SHISAL1: variants seen among roughly 807,000 people sequenced by gnomAD.
SHISAL1 encodes the protein shisa like 1, also known as protein shisa-like-1.
In SHISAL1, 9 loss-of-function variants were observed where a neutral mutation model predicts 22.6. The observed-to-expected ratio is 0.40, with a 90% CI of 0.24 to 0.70. The LOEUF (loss-of-function observed/expected upper bound fraction) is 0.70, where lower values mean the gene tolerates loss of function less well. Ranked by LOEUF, SHISAL1 falls within the 30% of genes least tolerant of loss-of-function variation. The pLI is 0.39. For synonymous variants in SHISAL1, 119 were observed against 115.4 expected (o/e 1.03, Z -0.20); for missense variants, 246 against 270.6 (o/e 0.91, Z 0.64).
At chr22:44,271,636 C>T (rs924064470) in intron 4 of SHISAL1, among the ~76,000 whole-genome samples, 1 of 152,250 alleles carries the variant, frequency 6.6e-6, no homozygotes, top group African/African-American at 2.4e-5. Context: ...ATGGTCCTCC[C>T]TGACCCATGT....
intron 4 of SHISAL1, among the ~76,000 whole-genome samples, chr22:44,272,266 AGT>A (rs961790886): frequency 1.3e-5 from 2 of 152,176 alleles, no homozygotes; most frequent in African/African-American, 4.8e-5. Context: ...TCATTCCAGA[AGT>A]GTGTCTTCAA....
rs1185247648 is a variant in SHISAL1, at chr22:44,293,101, G to T, written c.281+3571C>A. The stretch of plus-strand genomic sequence containing the variant: ...CCTTGCTCTTCCACTGGGCTGCAGA[G>T]AATTCTGCCCAAAAGTGCTCTTTCC... On this transcript the variant is annotated intron_variant, in intron 3 of 4. Transcript: ENST00000381176. 2.0e-5 allele frequency among the ~76,000 whole-genome samples: 3 copies of T among 152,204 alleles called. No individual in the cohort carries two copies. In the East Asian group the frequency reaches 5.8e-4, roughly 29 times the overall value.
chr22:44,280,276 T>C (rs1170189761), intron 4 of SHISAL1, among the ~76,000 whole-genome samples: 4 of 151,834 alleles, frequency 2.6e-5, no homozygotes, highest in Non-Finnish European at 5.9e-5. Context: ...CTGAGATAGG[T>C]GAGGCCCAGG....
At chr22:44,282,453 T>A (rs1012677228) in intron 4 of SHISAL1, among the ~76,000 whole-genome samples, 1 of 149,190 alleles carries the variant, frequency 6.7e-6, no homozygotes, top group African/African-American at 2.5e-5. Context: ...ACTGCTTGGG[T>A]CCCACTAAGC....
At chr22:44,307,787 G>A (rs1460673442) in intron 1 of SHISAL1, among the ~76,000 whole-genome samples, 1 of 152,242 alleles carries the variant, frequency 6.6e-6, no homozygotes, top group East Asian at 1.9e-4. Context: ...AAGAGAAACA[G>A]AGCTGGGAAG....
intron 4 of SHISAL1, among the ~76,000 whole-genome samples, chr22:44,265,065 C>T (rs988885403): frequency 6.6e-6 from 1 of 152,200 alleles, no homozygotes. Flanking sequence ...GTCCCCCCAT[C>T]TGTAAAATGC....
intron 4 of SHISAL1, among the ~76,000 whole-genome samples, chr22:44,273,096 C>CAAA (rs58469047): frequency 7.0e-5 from 10 of 141,886 alleles, no homozygotes; most frequent in Admixed American, 4.8e-4. Flanking sequence ...ACTCTGTCTC[C>CAAA]AAAAAAAAAA....
intron 3 of SHISAL1, among the ~76,000 whole-genome samples, chr22:44,294,278 C>T (rs914065152): frequency 1.3e-5 from 2 of 152,154 alleles, no homozygotes; most frequent in Admixed American, 1.3e-4. Context: ...GGGAAGCACC[C>T]GTGCATTTGA....
At chr22:44,261,486 A>C (rs2055124099) in intron 4 of SHISAL1, among the ~76,000 whole-genome samples, 1 of 152,132 alleles carries the variant, frequency 6.6e-6, no homozygotes, top group Admixed American at 6.5e-5. Flanking sequence ...TCAATGTCAG[A>C]CAAGCCCGGG....
intron 4 of SHISAL1, among the ~76,000 whole-genome samples, chr22:44,250,548 A>G (rs953323313): frequency 6.6e-6 from 1 of 152,176 alleles, no homozygotes; most frequent in African/African-American, 2.4e-5. Flanking sequence ...TGTCTATTAT[A>G]AGAGCAATTG....
chr22:44,310,983 A>T lies in SHISAL1; in HGVS notation c.-33+1768T>A, dbSNP rs995151886. On this transcript the variant is annotated intron_variant, in intron 1 of 4. Coordinates refer to ENST00000381176, the MANE Select transcript of SHISAL1 (RefSeq NM_001099294.2). The surrounding 1 kb of genome is among the most constrained non-coding windows in gnomAD (Gnocchi z 4.0). Reference sequence around the variant, plus strand: ...TCGTTGGCCTGGTTTGTTTTATTGCAAAGAGCAAACTTCCAGATGGGAACA... The same window carrying T: ...TCGTTGGCCTGGTTTGTTTTATTGCTAAGAGCAAACTTCCAGATGGGAACA... 6.6e-6 allele frequency among the ~76,000 whole-genome samples: 1 copy of T among 152,040 alleles called. No individual in the cohort carries two copies. The highest frequency in any genetic ancestry group is 2.4e-5 in the African/African-American group (1 of 41,374).
chr22:44,285,256 A>T (rs1290178916), intron 4 of SHISAL1, among the ~76,000 whole-genome samples, 172 bp downstream of exon 4: 6 of 152,246 alleles, frequency 3.9e-5, no homozygotes, highest in African/African-American at 1.4e-4. Context: ...CTGTCTAGGC[A>T]TGTGTTGTAG....
Position 44,249,703 on chromosome 22 carries a change from A to G in SHISAL1, c.*-18T>C, listed in dbSNP as rs1208000681. 1.3e-6 allele frequency: 1 copy of G among 765,378 alleles called. No homozygotes were observed. Among genetic ancestry groups the G allele is most frequent in the African/African-American group, 1.8e-5 (1 of 56,728 alleles). The allele number at this position is 765,378 out of a possible 1,614,324, so 47.4% of individuals were successfully genotyped here. On this transcript the variant is annotated intron_variant, in intron 4 of 4. Transcript: ENST00000381176. ...AGCGTTTTCTGGAGGAAATACAAGG[A>G]AAAAAAGTATCACATGGTGTCTCCT...
chr22:44,323,565 AT>A, the SHISAL1 span, among the ~76,000 whole-genome samples: 54 of 116,300 alleles, frequency 4.6e-4, no homozygotes, highest in South Asian at 9.4e-4. Flanking sequence ...TCCATCCACC[AT>A]CCATCCATCC....
At chr22:44,292,311 T>C (rs901697514) in intron 3 of SHISAL1, among the ~76,000 whole-genome samples, 8 of 152,130 alleles carry the variant, frequency 5.3e-5, no homozygotes, top group African/African-American at 1.9e-4. Flanking sequence ...TGCTAACCTG[T>C]CTAGGATACT....
chr22:44,284,527 G>C (rs1487430384), intron 4 of SHISAL1, among the ~76,000 whole-genome samples: 2 of 152,128 alleles, frequency 1.3e-5, no homozygotes, highest in Non-Finnish European at 2.9e-5. Flanking sequence ...GCCTGGGCTT[G>C]GTATCATGAT....
chr22:44,303,978 C>T (rs2055452325), intron 1 of SHISAL1, among the ~76,000 whole-genome samples: 1 of 152,208 alleles, frequency 6.6e-6, no homozygotes, highest in African/African-American at 2.4e-5. Flanking sequence ...GTTGAACATG[C>T]AGTGCAGGGA....
intron 4 of SHISAL1, among the ~76,000 whole-genome samples, chr22:44,274,619 C>A (rs949311916): frequency 2.0e-5 from 3 of 152,142 alleles, no homozygotes; most frequent in Non-Finnish European, 2.9e-5. Flanking sequence ...ATCTGGACAA[C>A]TGGGTGGCCG....
At chr22:44,330,660 CCT>C in the SHISAL1 span, among the ~76,000 whole-genome samples, 2,878 of 149,160 alleles carry the variant, frequency 0.019, 36 homozygotes, top group Middle Eastern at 0.033. Flanking sequence ...GCTTTTTCCC[CCT>C]GTTTTTTTTT....
Sources: allele counts gnomAD v4.1 joint callset (sites outside exome capture counted in the v4.1 genomes callset), GRCh38; gene constraint gnomAD v4.1.1; non-coding constraint Gnocchi (gnomAD v3.1); transcripts MANE v1.5; gene names NCBI Gene and HGNC (gene_info 2026-07-23, HGNC 2026-07-21).